Variants in DIP2B observed in about 807,000 individuals in gnomAD.
DIP2B encodes the protein disco-interacting protein 2 homolog B.
In DIP2B, 76 loss-of-function variants were observed where a neutral mutation model predicts 198.0. That is an observed-to-expected ratio of 0.38 (90% CI 0.32 to 0.46). The LOEUF is 0.46. Among genes scored for constraint, DIP2B ranks in the 20% least tolerant of loss-of-function variants. DIP2B has a pLI of 0.99. For missense variants in DIP2B, 1,559 were observed against 1,978.4 expected (o/e 0.79, Z 4.02); for synonymous variants, 701 against 739.1 (o/e 0.95, Z 0.84).
intron 1 of DIP2B, among the ~76,000 whole-genome samples, chr12:50,582,982 A>C (rs1400937725): frequency 6.6e-6 from 1 of 152,182 alleles, no homozygotes; most frequent in African/African-American, 2.4e-5. Flanking sequence ...TAGAATTACA[A>C]AGATGATGTT....
rs749924554 is a variant in DIP2B at position 50,698,374 on chromosome 12, A to G, written c.2095A>G (p.Met699Val). ...APLPGRAILS[M>V]NGLSYGVIRV... Reference sequence around the variant, plus strand: ...TTTGCCAGGAAGAGCCATTCTCTCAATGAATGGATTGAGCTATGGGGTAAT... The same window carrying G: ...TTTGCCAGGAAGAGCCATTCTCTCAGTGAATGGATTGAGCTATGGGGTAAT... The change falls in exon 18 of 38, where the codon ATG becomes GTG. Residue 699 changes from methionine to valine, a missense_variant. Transcript: ENST00000301180. The G allele has an allele frequency of 1.2e-6, 2 of 1,613,912 alleles. No individual in the cohort carries two copies. Among genetic ancestry groups the G allele is most frequent in the Non-Finnish European group, 1.7e-6 (2 of 1,179,910 alleles).
At chr12:50,512,757 G>A (rs962950427) in intron 1 of DIP2B, among the ~76,000 whole-genome samples, 1 of 152,234 alleles carries the variant, frequency 6.6e-6, no homozygotes, top group African/African-American at 2.4e-5. Context: ...TGTAATCCCA[G>A]CACTTTGGGA....
At chr12:50,616,369 G>T (rs1034546316) in intron 1 of DIP2B, among the ~76,000 whole-genome samples, 1 of 152,114 alleles carries the variant, frequency 6.6e-6, no homozygotes, top group African/African-American at 2.4e-5. Context: ...ATAGACTGCC[G>T]GTTGAAGACT....
At chr12:50,506,974 T>C (rs2139334001) in intron 1 of DIP2B, among the ~76,000 whole-genome samples, 1 of 152,308 alleles carries the variant, frequency 6.6e-6, no homozygotes, top group Non-Finnish European at 1.5e-5. Flanking sequence ...TTATTCTGGG[T>C]ATATCTGCTT....
intron 1 of DIP2B, among the ~76,000 whole-genome samples, chr12:50,623,021 G>A (rs1937845528): frequency 6.6e-6 from 1 of 151,646 alleles, no homozygotes. Flanking sequence ...TGGACCGTTC[G>A]TTCTTAGAAA....
chr12:50,570,658 C>A (rs2082064334), intron 1 of DIP2B, among the ~76,000 whole-genome samples: 2 of 152,202 alleles, frequency 1.3e-5, no homozygotes, highest in African/African-American at 2.4e-5. Context: ...TACAATGAGC[C>A]GAGATCGCGC....
At chr12:50,703,458 A>C (rs1592135249) in intron 19 of DIP2B, among the ~76,000 whole-genome samples, 2 of 152,330 alleles carry the variant, frequency 1.3e-5, no homozygotes, top group East Asian at 1.9e-4. Context: ...AAATGAATAC[A>C]GCAATATTCA....
At chr12:50,549,346 C>T (rs1224375710) in intron 1 of DIP2B, among the ~76,000 whole-genome samples, 2 of 151,892 alleles carry the variant, frequency 1.3e-5, no homozygotes, top group South Asian at 2.1e-4. Context: ...CTGACTAACA[C>T]GGTGAAACCC....
intron 1 of DIP2B, among the ~76,000 whole-genome samples, chr12:50,588,922 C>T (rs190186221): frequency 7.2e-5 from 11 of 152,196 alleles, no homozygotes; most frequent in East Asian, 5.8e-4. Context: ...CGGTGGCTCA[C>T]GCCTGTAATC....
intron 1 of DIP2B, among the ~76,000 whole-genome samples, chr12:50,512,959 A>C (rs1206342656): frequency 6.6e-6 from 1 of 152,134 alleles, no homozygotes; most frequent in African/African-American, 2.4e-5. Flanking sequence ...GTGAGCTAGG[A>C]CCGCACCACT....
chr12:50,603,506 A>T (rs917350486), intron 1 of DIP2B, among the ~76,000 whole-genome samples: 5 of 152,064 alleles, frequency 3.3e-5, no homozygotes, highest in African/African-American at 1.2e-4. Flanking sequence ...TGGGAGGCCA[A>T]GGCGGGTGGA....
rs116967524 is a variant in DIP2B, at chr12:50,716,394, C to T, written c.2851+1798C>T. On this transcript the variant is annotated intron_variant, in intron 23 of 37. Coordinates refer to ENST00000301180, the MANE Select transcript of DIP2B (RefSeq NM_173602.3). ...TTCACACAAAAAAGTTGCCACATGT[C>T]GGGAGGCTGAGGCAGGAGAATGGCG... 1.2e-3 allele frequency among the ~76,000 whole-genome samples: 179 copies of T among 152,012 alleles called. 7 individuals are homozygous for T. In the East Asian group the frequency reaches 0.03, roughly 25 times the overall value.
Position 50,737,050 on chromosome 12 carries a change from G to A in DIP2B, c.4116G>A (p.Val1372=), listed in dbSNP as rs767407776. 6.2e-7 allele frequency: 1 copy of A among 1,613,960 alleles called. No homozygotes were observed. Among genetic ancestry groups the A allele is most frequent in the Admixed American group, 1.7e-5 (1 of 59,990 alleles). ...TTGATTCTTAGATTTTACCTGGAGT[G>A]AAAGTGGTTATTGTTAATCCTGAGA... The part of the protein sequence containing the change: ...LSESGKILPG[V]KVVIVNPETK... Residue 1372 remains valine, a synonymous_variant, in exon 35 of 38, where the codon GTG becomes GTA. Coordinates refer to ENST00000301180, the MANE Select transcript of DIP2B (RefSeq NM_173602.3).
chr12:50,632,442 G>A (rs1938076079), intron 2 of DIP2B, among the ~76,000 whole-genome samples: 1 of 130,256 alleles, frequency 7.7e-6, no homozygotes, highest in South Asian at 2.5e-4. Flanking sequence ...TTGTGCCACT[G>A]CACTCCAGCC....
At chr12:50,635,266 GA>G (rs770573933) in intron 2 of DIP2B, among the ~76,000 whole-genome samples, 43 of 152,126 alleles carry the variant, frequency 2.8e-4, no homozygotes, top group Non-Finnish European at 5.6e-4. Context: ...TTTTTGAAGT[GA>G]ATTGTGTTTA....
At chr12:50,588,245 A>C (rs1451549132) in intron 1 of DIP2B, among the ~76,000 whole-genome samples, 1 of 151,576 alleles carries the variant, frequency 6.6e-6, no homozygotes, top group African/African-American at 2.4e-5. Flanking sequence ...TCCGCCTCCC[A>C]GGTTCAAGTG....
chr12:50,692,921 C>T, intron 13 of DIP2B, 28 bp from the exon 14 acceptor site: 8 of 1,594,130 alleles, frequency 5.0e-6, no homozygotes, highest in Non-Finnish European at 6.8e-6. Flanking sequence ...AAGATGATTT[C>T]TTTGTCTTCC....
intron 10 of DIP2B, among the ~76,000 whole-genome samples, chr12:50,685,210 T>C (rs1339737692): frequency 6.6e-6 from 1 of 152,254 alleles, no homozygotes; most frequent in Non-Finnish European, 1.5e-5. Context: ...CATATGATTG[T>C]TCTTAAATTA....
At chr12:50,693,123 A>G in intron 14 of DIP2B, 110 bp downstream of exon 14, 1 of 1,046,614 alleles carries the variant, frequency 9.6e-7, no homozygotes. Flanking sequence ...AAATCCCCAA[A>G]AGGTCAGTAA....
Sources: gnomAD v4.1 joint callset for allele counts (sites outside exome capture counted in the v4.1 genomes callset) on GRCh38, gnomAD v4.1.1 for gene constraint, MANE v1.5 for transcripts, NCBI Gene and HGNC (gene_info 2026-07-23, HGNC 2026-07-21) for gene names.